ZFAND3: variants seen among roughly 807,000 people sequenced by gnomAD.
ZFAND3 encodes AN1-type zinc finger protein 3.
In ZFAND3, 10 loss-of-function variants were observed where a neutral mutation model predicts 29.6. The observed-to-expected ratio is 0.34, with a 90% CI of 0.21 to 0.57. The LOEUF (loss-of-function observed/expected upper bound fraction) is 0.57. ZFAND3 is among the 20% of genes least tolerant of loss of function. ZFAND3 has a pLI of 0.86. For synonymous variants in ZFAND3, 128 were observed against 112.6 expected (o/e 1.14, Z -0.87); for missense variants, 230 against 304.5 (o/e 0.76, Z 1.82).
intron 1 of ZFAND3, among the ~76,000 whole-genome samples, chr6:37,840,024 A>G (rs543781628): frequency 2.0e-5 from 3 of 152,060 alleles, no homozygotes; most frequent in East Asian, 1.9e-4. Flanking sequence ...ACCTAATTCA[A>G]GGTCACAAAT....
chr6:37,928,467 G>A (rs1761529716), intron 1 of ZFAND3, among the ~76,000 whole-genome samples: 1 of 152,094 alleles, frequency 6.6e-6, no homozygotes, highest in Admixed American at 6.6e-5. Flanking sequence ...CTTGGGAGAG[G>A]ATCAGGAAGG....
chr6:38,152,000 T>C (rs982150362), intron 5 of ZFAND3, among the ~76,000 whole-genome samples: 1 of 152,124 alleles, frequency 6.6e-6, no homozygotes, highest in Admixed American at 6.5e-5. Context: ...GGTTCTACCC[T>C]TCAAGGGTCC....
chr6:37,853,412 GAA>G (rs56738009), intron 1 of ZFAND3, among the ~76,000 whole-genome samples: 3 of 65,876 alleles, frequency 4.6e-5, no homozygotes, highest in Admixed American at 1.9e-4. Context: ...TGAGCCTCAA[GAA>G]AAAAAAAAAA....
chr6:38,131,773 G>A (rs956518445), intron 5 of ZFAND3, among the ~76,000 whole-genome samples: 1 of 152,210 alleles, frequency 6.6e-6, no homozygotes, highest in Non-Finnish European at 1.5e-5. Context: ...CCAGTCAGTG[G>A]TGACTAATAA....
chr6:37,914,359 T>G (rs757515567), intron 1 of ZFAND3, among the ~76,000 whole-genome samples: 3 of 152,142 alleles, frequency 2.0e-5, no homozygotes, highest in Admixed American at 6.5e-5. Context: ...TTTTGTTTTG[T>G]TTTTTGAGAC....
intron 2 of ZFAND3, among the ~76,000 whole-genome samples, chr6:38,060,335 T>C (rs1434479051): frequency 6.6e-6 from 1 of 152,164 alleles, no homozygotes; most frequent in Non-Finnish European, 1.5e-5. Flanking sequence ...CTGACAGTAC[T>C]CTAGCCATAG....
chr6:38,101,863 T>A (rs1476842843), intron 4 of ZFAND3, among the ~76,000 whole-genome samples: 2 of 150,430 alleles, frequency 1.3e-5, no homozygotes, highest in African/African-American at 4.9e-5. Context: ...AAGCTGATGC[T>A]AAACTGGAAA....
intron 2 of ZFAND3, among the ~76,000 whole-genome samples, chr6:37,946,569 T>C (rs189950405): frequency 5.3e-5 from 8 of 152,336 alleles, no homozygotes; most frequent in African/African-American, 1.7e-4. Flanking sequence ...CCTATTTTTT[T>C]CCCCCTTTTT....
At chr6:38,152,127 C>A in intron 5 of ZFAND3, 108 bp from the exon 6 acceptor site, 1 of 1,072,090 alleles carries the variant, frequency 9.3e-7, no homozygotes. Context: ...GAGTGTTGTC[C>A]ACTCACTGGG....
At position 37,981,727 on chromosome 6, in the gene ZFAND3, AGTT is replaced by A. The variant is rs1254831781; in HGVS notation, c.112+51731_112+51733del. Among the ~76,000 whole-genome samples the A allele has an allele frequency of 2.6e-5, 4 of 152,238 alleles. No individual in the cohort carries two copies. In the East Asian group the frequency reaches 7.7e-4, roughly 29 times the overall value. On this transcript the variant is annotated intron_variant, in intron 2 of 5. Transcript: ENST00000287218. Reference sequence around the variant, plus strand: ...TTTTTCCTTGTAGAAGGTCAACATGAGTTGTGTAAACCGAAGAGTGTCTGAGAT... The same window carrying A: ...TTTTTCCTTGTAGAAGGTCAACATGAGTGTAAACCGAAGAGTGTCTGAGAT...
At chr6:37,884,589 C>T (rs538524447) in intron 1 of ZFAND3, among the ~76,000 whole-genome samples, 1 of 142,580 alleles carries the variant, frequency 7.0e-6, no homozygotes, top group South Asian at 2.2e-4. Flanking sequence ...TGGCTTCAAG[C>T]TCCAGACCAA....
At chr6:37,926,346 A>T (rs1446665294) in intron 1 of ZFAND3, among the ~76,000 whole-genome samples, 5 of 152,322 alleles carry the variant, frequency 3.3e-5, no homozygotes, top group Admixed American at 3.3e-4. Context: ...CTTCCCTCCA[A>T]GGTGGCTCTG....
intron 5 of ZFAND3, among the ~76,000 whole-genome samples, chr6:38,119,647 G>A (rs916674486): frequency 1.3e-5 from 2 of 152,238 alleles, no homozygotes; most frequent in Non-Finnish European, 2.9e-5. Context: ...GCCAATTAAA[G>A]GCAGGGAAGA....
At chr6:38,144,172 AT>A (rs1562015584) in intron 5 of ZFAND3, among the ~76,000 whole-genome samples, 9,633 of 32,652 alleles carry the variant, frequency 0.3, 656 homozygotes, top group Non-Finnish European at 0.33. Context: ...GAAAAATGTG[AT>A]ATATATATAT....
chr6:38,083,842 G>T (rs554951834), intron 4 of ZFAND3, among the ~76,000 whole-genome samples: 7 of 151,646 alleles, frequency 4.6e-5, no homozygotes, highest in Admixed American at 4.6e-4. Flanking sequence ...AGGTAGATCT[G>T]TTTCCTCCTC....
At chr6:37,835,177 G>A (rs1321310772) in intron 1 of ZFAND3, among the ~76,000 whole-genome samples, 1 of 152,068 alleles carries the variant, frequency 6.6e-6, no homozygotes, top group Non-Finnish European at 1.5e-5. Flanking sequence ...TTTGTTGTTG[G>A]AGATAGAGTC....
intron 5 of ZFAND3, among the ~76,000 whole-genome samples, chr6:38,146,698 A>G (rs568961918): frequency 6.6e-6 from 1 of 152,172 alleles, no homozygotes; most frequent in South Asian, 2.1e-4. Context: ...GGCAGATTAC[A>G]TTTTCAGCCA....
intron 1 of ZFAND3, among the ~76,000 whole-genome samples, chr6:37,887,581 A>C (rs1765018708): frequency 6.6e-6 from 1 of 152,242 alleles, no homozygotes; most frequent in African/African-American, 2.4e-5. Flanking sequence ...GCTAAGGCTG[A>C]TAAAAGTATG....
intron 2 of ZFAND3, among the ~76,000 whole-genome samples, chr6:38,054,414 A>G (rs1364010485): frequency 1.3e-5 from 2 of 149,940 alleles, no homozygotes; most frequent in Non-Finnish European, 3.0e-5. Flanking sequence ...AAAAAAAAAA[A>G]CAAGGAAGCA....
Sources: allele counts gnomAD v4.1 joint callset (sites outside exome capture counted in the v4.1 genomes callset), GRCh38; gene constraint gnomAD v4.1.1; transcripts MANE v1.5; gene names NCBI Gene and HGNC (gene_info 2026-07-23, HGNC 2026-07-21).